Variants in NCOR2 observed in about 807,000 individuals in gnomAD.
NCOR2 encodes CTG repeat protein 26.
In NCOR2, 81 loss-of-function variants were observed where a neutral mutation model predicts 262.9. The observed-to-expected ratio is 0.31, with a 90% CI of 0.26 to 0.37. The LOEUF is 0.37. Among genes scored for constraint, NCOR2 ranks in the 10% least tolerant of loss-of-function variants. The pLI is 1.00. For missense variants in NCOR2, 3,385 were observed against 3,621.4 expected (o/e 0.93, Z 1.68); for synonymous variants, 1,659 against 1,559.3 (o/e 1.06, Z -1.51).
chr12:124,428,042 CCA>C (rs1491099725), intron 10 of NCOR2, among the ~76,000 whole-genome samples: 15 of 44,074 alleles, frequency 3.4e-4, no homozygotes, highest in Non-Finnish European at 7.6e-4. Flanking sequence ...TCCCATGTGG[CCA>C]GTGTGTGTGT....
chr12:124,346,780 C>T lies in NCOR2; in HGVS notation c.4143G>A (p.Glu1381=), dbSNP rs1174565317. ...AGGGCGGTGGGGGCGGAGGCGTGCC[C>T]TCCCGCTTTAGGAGCTTGGCCTCCC... is the stretch of plus-strand genomic sequence containing the variant. Residue 1381 remains glutamate (E), a synonymous_variant, in exon 31 of 47, where the codon GAG becomes GAA. Transcript: ENST00000405201. The T allele has an allele frequency of 4.5e-6, 7 of 1,562,498 alleles. No individual in the cohort carries two copies. In the Admixed American group the frequency reaches 1.3e-4, roughly 30 times the overall value.
chr12:124,372,259 T>G (rs2039571375), exon 20 of NCOR2: 1 of 1,582,794 alleles, frequency 6.3e-7, no homozygotes, highest in South Asian at 1.1e-5. Context: ...CTCCTCGGCC[T>G]TCCCTGTGTC....
exon 29 of NCOR2, chr12:124,348,247 C>A: frequency 2.5e-6 from 4 of 1,613,250 alleles, no homozygotes; most frequent in East Asian, 2.2e-5. Flanking sequence ...TGGGGGCGGC[C>A]GTCTCATGGG....
At chr12:124,329,266 A>AGCCTG (rs1473239506) in intron 44 of NCOR2, 8 of 397,676 alleles carry the variant, frequency 2.0e-5, no homozygotes, top group African/African-American at 6.3e-5. Context: ...GTTCGAGATC[A>AGCCTG]GCCTGGCCAA....
intron 13 of NCOR2, among the ~76,000 whole-genome samples, chr12:124,407,426 G>T (rs1294826398): frequency 6.6e-6 from 1 of 152,224 alleles, no homozygotes; most frequent in Non-Finnish European, 1.5e-5. Context: ...GTGGCACTTT[G>T]GGGCATGGCT....
At chr12:124,332,266 C>T in intron 43 of NCOR2, 53 bp downstream of exon 45, 1 of 1,604,696 alleles carries the variant, frequency 6.2e-7, no homozygotes, top group Non-Finnish European at 8.5e-7. Context: ...CCCAGGCAGG[C>T]CACCCGCCCA....
chr12:124,415,790 G>A (rs1472632870), intron 13 of NCOR2, among the ~76,000 whole-genome samples: 1 of 152,138 alleles, frequency 6.6e-6, no homozygotes, highest in African/African-American at 2.4e-5. Context: ...GGTGTAAAGA[G>A]GGGCATGTTT....
At chr12:124,469,360 A>C (rs944406224) in intron 4 of NCOR2, among the ~76,000 whole-genome samples, 4 of 152,172 alleles carry the variant, frequency 2.6e-5, no homozygotes, top group African/African-American at 9.7e-5. Flanking sequence ...TTTGAGCAGA[A>C]CTGCCTCAGT....
chr12:124,494,634 T>C (rs557067995), intron 1 of NCOR2, among the ~76,000 whole-genome samples: 18 of 152,158 alleles, frequency 1.2e-4, no homozygotes, highest in African/African-American at 4.1e-4. Context: ...CCCTGGACCC[T>C]CATGTCAGGG....
rs940909466 is a variant in NCOR2, at chr12:124,483,918, C to T, written c.234-145G>A. 2.2e-6 allele frequency: 2 copies of T among 901,738 alleles called. No individual in the cohort carries two copies. The highest frequency in any genetic ancestry group is 3.5e-5 in the African/African-American group (2 of 57,710). The allele number at this position is 901,738 out of a possible 1,614,324, so 55.9% of individuals were successfully genotyped here. On this transcript the variant is annotated intron_variant, in intron 2 of 46. Transcript: ENST00000405201. This position sits in a 1 kb window ranked among gnomAD's most constrained non-coding sequence, Gnocchi z 6.3. ...GGAAGGTGCTCACAGGAGCCCACCT[C>T]CCACGGTCCCACAGCAGGGCAGGAC...
intron 1 of NCOR2, among the ~76,000 whole-genome samples, chr12:124,508,315 G>A (rs370247531): frequency 2.6e-4 from 40 of 152,360 alleles, no homozygotes; most frequent in East Asian, 1.2e-3. Flanking sequence ...GTCTGATGAC[G>A]GGACAGTGAT....
chr12:124,374,202 C>T (rs951883870), intron 19 of NCOR2, among the ~76,000 whole-genome samples: 3 of 152,190 alleles, frequency 2.0e-5, no homozygotes, highest in Non-Finnish European at 2.9e-5. Flanking sequence ...GCAGTGGAGA[C>T]GGGAAACTGG....
chr12:124,327,519 G>C (rs375005017), exon 45 of NCOR2: 3 of 1,613,850 alleles, frequency 1.9e-6, no homozygotes, highest in Non-Finnish European at 1.7e-6. Flanking sequence ...GCTGAGCGGC[G>C]GGGACTCTTC....
In NCOR2 at chr12:124,500,586, G is replaced by A. The variant is rs139013350; in HGVS notation, c.-117-5218C>T. ...TGCACACTGAATGACTCTGCCCAGCGGAGGTGCATGCCAGCAACGCAGTGA... is the reference window on the plus strand; with the variant it reads ...TGCACACTGAATGACTCTGCCCAGCAGAGGTGCATGCCAGCAACGCAGTGA... On this transcript the variant is annotated intron_variant, in intron 1 of 46. Coordinates refer to the NCOR2 transcript ENST00000404621. Among the ~76,000 whole-genome samples the A allele has an allele frequency of 2.2e-3, 331 of 152,308 alleles. 1 individual carries two copies. Among genetic ancestry groups the A allele is most frequent in the South Asian group, 4.6e-3 (22 of 4,830 alleles).
In NCOR2 at chr12:124,566,580, A is replaced by C. The variant is rs368046342; in HGVS notation, c.-165+728T>G. On this transcript the variant is annotated intron_variant, in intron 1 of 32. Transcript: ENST00000458234. This position sits in a 1 kb window ranked among gnomAD's most constrained non-coding sequence, Gnocchi z 4.3. ...GGTCTGGGTCTTCCCAGTCGTGCCC[A>C]AGTGGGATCAGCTCTGAATTCCAAC... 7.2e-5 allele frequency among the ~76,000 whole-genome samples: 11 copies of C among 152,254 alleles called. No individual in the cohort carries two copies. Among genetic ancestry groups the C allele is most frequent in the Admixed American group, 3.3e-4 (5 of 15,292 alleles).
chr12:124,362,322 C>A, intron 21 of NCOR2, 25 bp from the exon 24 acceptor site: 1 of 1,334,460 alleles, frequency 7.5e-7, no homozygotes, highest in South Asian at 2.6e-5. Context: ...CAGAAGTGAG[C>A]ATTCACAGAG....
intron 11 of NCOR2, among the ~76,000 whole-genome samples, chr12:124,424,277 C>T (rs2043402313): frequency 6.6e-6 from 1 of 152,116 alleles, no homozygotes; most frequent in South Asian, 2.1e-4. Context: ...ATCTCAAACG[C>T]AACAGTAATT....
rs7971368 is a variant in NCOR2 at position 124,373,381 on chromosome 12, T to C, written c.2219-771A>G. Among the ~76,000 whole-genome samples the C allele has an allele frequency of 2.9e-3, 174 of 60,340 alleles. 2 individuals are homozygous for C. The highest frequency in any genetic ancestry group is 0.01 in the African/African-American group (166 of 16,566). The allele number at this position is 60,340 out of a possible 152,430, so 39.6% of individuals were successfully genotyped here. A position where few individuals can be genotyped will look rare whatever the true frequency, so the allele number is the denominator to read the frequency against. On this transcript the variant is annotated intron_variant, in intron 19 of 46. Transcript: ENST00000405201. The stretch of plus-strand genomic sequence containing the variant: ...TGGACAATCATGAGGCCAGTGCGTG[T>C]GCAGGGGCCCCGGGCACAGTGGACA...
intron 38 of NCOR2, 125 bp downstream of exon 40, chr12:124,336,627 CG>C (rs1199656781): frequency 2.0e-6 from 3 of 1,497,872 alleles, no homozygotes; most frequent in Non-Finnish European, 1.8e-6. Flanking sequence ...GGGTGCGGGC[CG>C]GAAGTCTTAC....
Sources: gnomAD v4.1 joint callset for allele counts (sites outside exome capture counted in the v4.1 genomes callset) on GRCh38, gnomAD v4.1.1 for gene constraint, Gnocchi (gnomAD v3.1) non-coding constraint, MANE v1.5 for transcripts, NCBI Gene and HGNC (gene_info 2026-07-23, HGNC 2026-07-21) for gene names.